ZFPM1: variants seen among roughly 807,000 people sequenced by gnomAD.
ZFPM1 encodes the protein zinc finger protein, FOG family member 1.
ZFPM1 carries 28 observed loss-of-function variants against 46.3 expected under a neutral mutation model. The ratio of observed to expected loss-of-function variants is 0.60; its 90% CI spans 0.45 to 0.83. The LOEUF (loss-of-function observed/expected upper bound fraction) is 0.83, where lower values mean the gene tolerates loss of function less well. ZFPM1 is among the 40% of genes least tolerant of loss of function. ZFPM1 has a pLI of 0.00. For missense variants in ZFPM1, 1,878 were observed against 1,432.4 expected (o/e 1.31, Z -5.02); for synonymous variants, 957 against 675.9 (o/e 1.42, Z -6.45).
intron 4 of ZFPM1, among the ~76,000 whole-genome samples, chr16:88,526,528 C>G (rs34391164): frequency 0.17 from 25,892 of 152,088 alleles, 2,470 homozygotes; most frequent in East Asian, 0.42. Context: ...GTTGCTCGAC[C>G]TCTTTGGGCC....
In ZFPM1 at chr16:88,468,442, G is replaced by A. The variant is rs1369613669; in HGVS notation, c.40+14764G>A. 7.9e-5 allele frequency among the ~76,000 whole-genome samples: 12 copies of A among 152,312 alleles called. No individual in the cohort carries two copies. In the East Asian group the frequency reaches 2.1e-3, roughly 27 times the overall value. ...AACAGGCCCCCACAGGAGAAAAGAG[G>A]CCGGCCTTGGAGAGGGGTTGGGACT... On this transcript the variant is annotated intron_variant, in intron 1 of 9. Coordinates refer to ENST00000319555, the MANE Select transcript of ZFPM1 (RefSeq NM_153813.3).
rs865832292 is a variant in ZFPM1, at chr16:88,501,690, A to G, written c.268+12537A>G. On this transcript the variant is annotated intron_variant, in intron 3 of 9. Coordinates refer to ENST00000319555, the MANE Select transcript of ZFPM1 (RefSeq NM_153813.3). ...TGATAGAGATAGCGGGTGTGGGTGCAGGGCCTCTCCCGCAGGTGCTCTTGA... is the reference window on the plus strand; with the variant it reads ...TGATAGAGATAGCGGGTGTGGGTGCGGGGCCTCTCCCGCAGGTGCTCTTGA... 4.4e-4 allele frequency among the ~76,000 whole-genome samples: 55 copies of G among 123,714 alleles called. 3 individuals are homozygous for G. The highest frequency in any genetic ancestry group is 9.8e-4 in the African/African-American group (29 of 29,612). The allele number at this position is 123,714 out of a possible 152,430, so 81.2% of individuals were successfully genotyped here.
At chr16:88,477,802 G>A (rs1908752646) in intron 1 of ZFPM1, among the ~76,000 whole-genome samples, 1 of 152,276 alleles carries the variant, frequency 6.6e-6, no homozygotes, top group Non-Finnish European at 1.5e-5. Flanking sequence ...CTCACTGGGA[G>A]TGAGTCAGGG....
chr16:88,455,056 A>G (rs1907474448), intron 1 of ZFPM1, among the ~76,000 whole-genome samples: 1 of 151,176 alleles, frequency 6.6e-6, no homozygotes, highest in Non-Finnish European at 1.5e-5. Context: ...ATTAAAAGCC[A>G]CCCACAGGTC....
chr16:88,489,089 G>A lies in ZFPM1; in HGVS notation c.204G>A (p.Leu68=), dbSNP rs930224660. 6.2e-6 allele frequency: 10 copies of A among 1,612,914 alleles called. No homozygotes were observed. Among genetic ancestry groups the A allele is most frequent in the Non-Finnish European group, 8.5e-6 (10 of 1,179,774 alleles). Residue 68 remains leucine, a synonymous_variant, in exon 3 of 10, where the codon CTG becomes CTA. Transcript: ENST00000319555. ...CATCCCCAGGAGGCCCCAAGGAGCT[G>A]GAAGGACAGGAACCAGAACCCAGGC... is the stretch of plus-strand genomic sequence containing the variant. ...PPTSPGGPKE[L]EGQEPEPRPT...
At chr16:88,515,112 G>A (rs1388992227) in intron 4 of ZFPM1, among the ~76,000 whole-genome samples, 1 of 152,252 alleles carries the variant, frequency 6.6e-6, no homozygotes, top group Non-Finnish European at 1.5e-5. Flanking sequence ...AAGTCAGTTC[G>A]GTTTCCTCCG....
chr16:88,474,080 G>C (rs756127425), intron 1 of ZFPM1, among the ~76,000 whole-genome samples: 5 of 152,238 alleles, frequency 3.3e-5, no homozygotes, highest in African/African-American at 4.8e-5. Flanking sequence ...TTGAGTAAGC[G>C]CAGGCCGCAC....
rs747731283 is a variant in ZFPM1 at position 88,534,374 on chromosome 16, C to A, written c.2416C>A (p.Pro806Thr). ...GAGCAAGAAGCCGCGGCGCCCGCTC[C>A]CCGGAGCCCCGGCACCGGCGCTGGC... The part of the protein sequence containing the change: ...DLSKKPRRPL[P>T]GAPAPALADY... Residue 806 changes from proline (P) to threonine (T), a missense_variant, in exon 10 of 10, where the codon CCC (proline) becomes ACC (threonine). By Grantham distance (38) the Pro-to-Thr change is conservative. Coordinates refer to ENST00000319555, the MANE Select transcript of ZFPM1 (RefSeq NM_153813.3). 6.9e-7 allele frequency: 1 copy of A among 1,446,710 alleles called. No homozygotes were observed. The highest frequency in any genetic ancestry group is 9.1e-7 in the Non-Finnish European group (1 of 1,104,472). The allele number at this position is 1,446,710 out of a possible 1,614,324, so 89.6% of individuals were successfully genotyped here. A position where few individuals can be genotyped will look rare whatever the true frequency, so the allele number is the denominator to read the frequency against.
At position 88,534,851 on chromosome 16, in the gene ZFPM1, C is replaced by T; in HGVS notation, c.2893C>T (p.Pro965Ser). Reference sequence around the variant, plus strand: ...CGTCCAGACTCCCAGCAAGGGCACGCCGGCGCCGCTGCCCAACGGCAACCA... The same window carrying T: ...CGTCCAGACTCCCAGCAAGGGCACGTCGGCGCCGCTGCCCAACGGCAACCA... Reference protein sequence around the residue: ...KGVQTPSKGTPAPLPNGNHRY... With the variant: ...KGVQTPSKGTSAPLPNGNHRY... Residue 965 changes from proline to serine, a missense_variant, in exon 10 of 10, where the codon CCG (proline) becomes TCG (serine). Transcript: ENST00000319555. 1.9e-6 allele frequency: 3 copies of T among 1,562,672 alleles called. No homozygotes were observed. Among genetic ancestry groups the T allele is most frequent in the Non-Finnish European group, 8.6e-7 (1 of 1,161,564 alleles).
Position 88,534,951 on chromosome 16 carries a change from C to G in ZFPM1, c.2993C>G (p.Ser998Cys). The G allele has an allele frequency of 6.6e-7, 1 of 1,516,376 alleles. No individual in the cohort carries two copies. The highest frequency in any genetic ancestry group is 8.9e-7 in the Non-Finnish European group (1 of 1,127,360). 93.9% of individuals were successfully genotyped at this position (1,516,376 alleles called of 1,614,324 possible). A position where few individuals can be genotyped will look rare whatever the true frequency, so the allele number is the denominator to read the frequency against. ...TFIAHKKYYC[S>C]SHAAEHVK ...ATCGCCCACAAGAAGTATTACTGCTCCTCGCACGCCGCCGAGCACGTGAAG... is the reference window on the plus strand; with the variant it reads ...ATCGCCCACAAGAAGTATTACTGCTGCTCGCACGCCGCCGAGCACGTGAAG... Residue 998 changes from serine to cysteine, a missense_variant, in exon 10 of 10, where the codon TCC (serine) becomes TGC (cysteine). By Grantham distance (112) the Ser-to-Cys change is moderately radical. Transcript: ENST00000319555.
intron 2 of ZFPM1, among the ~76,000 whole-genome samples, chr16:88,487,602 G>A (rs1909304999): frequency 6.6e-6 from 1 of 152,148 alleles, no homozygotes; most frequent in South Asian, 2.1e-4. Context: ...GCAGACCTTG[G>A]TCCCTGGCTT....
Position 88,457,106 on chromosome 16 carries a change from C to T in ZFPM1, c.40+3428C>T, listed in dbSNP as rs541971382. 3.9e-5 allele frequency among the ~76,000 whole-genome samples: 6 copies of T among 152,392 alleles called. No homozygotes were observed. The East Asian group carries it at 7.7e-4, about 20-fold the overall frequency. Reference sequence around the variant, plus strand: ...CCACCTGCTCTCCCCAGCAGCCCAACGCCCACCCGTGGGGCTGGCAGTGCC... The same window carrying T: ...CCACCTGCTCTCCCCAGCAGCCCAATGCCCACCCGTGGGGCTGGCAGTGCC... On this transcript the variant is annotated intron_variant, in intron 1 of 9. Coordinates refer to ENST00000319555, the MANE Select transcript of ZFPM1 (RefSeq NM_153813.3).
At chr16:88,501,194 G>A (rs986919190) in intron 3 of ZFPM1, among the ~76,000 whole-genome samples, 1 of 131,332 alleles carries the variant, frequency 7.6e-6, no homozygotes, top group African/African-American at 2.9e-5. Context: ...GGGCCCTCCC[G>A]CAGGTGCTGG....
chr16:88,518,562 G>A (rs1448231764), intron 4 of ZFPM1, among the ~76,000 whole-genome samples: 2 of 150,618 alleles, frequency 1.3e-5, no homozygotes, highest in African/African-American at 4.9e-5. Context: ...TGGATGGAAG[G>A]ATGGATAGTG....
At chr16:88,470,152 T>A (rs948565627) in intron 1 of ZFPM1, among the ~76,000 whole-genome samples, 2 of 152,168 alleles carry the variant, frequency 1.3e-5, no homozygotes, top group Non-Finnish European at 2.9e-5. Flanking sequence ...CAAAGGCCCC[T>A]CCCGTGTAGG....
At chr16:88,512,361 T>C (rs1911017455) in intron 3 of ZFPM1, among the ~76,000 whole-genome samples, 1 of 152,054 alleles carries the variant, frequency 6.6e-6, no homozygotes. Flanking sequence ...CCTGGAAAGG[T>C]GGGCACCAGC....
chr16:88,511,989 G>A (rs1036134783), intron 3 of ZFPM1, among the ~76,000 whole-genome samples: 4 of 152,088 alleles, frequency 2.6e-5, no homozygotes, highest in Admixed American at 1.3e-4. Flanking sequence ...CCCAGCCCCC[G>A]GCCATCCCTG....
rs1345181162 is a variant in ZFPM1, at chr16:88,533,673, G to C, written c.1715G>C (p.Gly572Ala). The change falls in exon 10 of 10, where the codon GGG (glycine) becomes GCG (alanine). Residue 572 changes from glycine to alanine, a missense_variant. Transcript: ENST00000319555. ...AGGAQTGLFP[G>A]APKGATCFEC... is the part of the protein sequence containing the mutation. ...GGCGCGCAGACCGGGCTCTTCCCCG[G>C]GGCCCCCAAGGGCGCTACGTGCTTC... 3.4e-6 allele frequency: 5 copies of C among 1,488,928 alleles called. No homozygotes were observed. The highest frequency in any genetic ancestry group is 1.5e-5 in the African/African-American group (1 of 67,584). 92.2% of individuals were successfully genotyped at this position (1,488,928 alleles called of 1,614,324 possible).
At chr16:88,517,445 C>T (rs1462366720) in intron 4 of ZFPM1, among the ~76,000 whole-genome samples, 1 of 110,966 alleles carries the variant, frequency 9.0e-6, no homozygotes, top group Non-Finnish European at 1.8e-5. Flanking sequence ...GGTAGATGGA[C>T]AGATGTGTAG....
Sources: gnomAD v4.1 joint callset for allele counts (sites outside exome capture counted in the v4.1 genomes callset) on GRCh38, gnomAD v4.1.1 for gene constraint, MANE v1.5 for transcripts, NCBI Gene and HGNC (gene_info 2026-07-23, HGNC 2026-07-21) for gene names.